The following EXOC4 variants were observed in gnomAD, a reference collection of about 807,000 sequenced individuals.
EXOC4 encodes the protein SEC8-like 1.
Under a neutral mutation model 107.2 loss-of-function variants are expected in EXOC4, and 71 were observed. The ratio of observed to expected loss-of-function variants is 0.66; its 90% confidence interval spans 0.55 to 0.81. The LOEUF (loss-of-function observed/expected upper bound fraction) is 0.81. EXOC4 is among the 30% of genes least tolerant of loss of function. The probability of loss-of-function intolerance (pLI) is 0.00; values close to 1 mark genes in which losing one functional copy is unlikely to be tolerated. For synonymous variants in EXOC4, 456 were observed against 441.2 expected, an observed-to-expected ratio of 1.03 and a Z score of -0.42; for missense variants, 1,108 against 1,189.6, an observed-to-expected ratio of 0.93 and a Z score of 1.01.
chr7:133,691,759 A>C (rs76097583), intron 10 of EXOC4, among the ~76,000 whole-genome samples: 1 of 152,216 alleles, frequency 6.6e-6, no homozygotes, highest in Admixed American at 6.5e-5. Flanking sequence ...AGGTTCAGCC[A>C]AAGTTGCTTC....
intron 10 of EXOC4, among the ~76,000 whole-genome samples, chr7:133,682,360 C>T (rs1415145309): frequency 6.6e-6 from 1 of 152,156 alleles, no homozygotes; most frequent in African/African-American, 2.4e-5. Context: ...ATGTTATGTG[C>T]TATTCTCGTG....
At chr7:133,321,174 C>A (rs1795102142) in intron 5 of EXOC4, among the ~76,000 whole-genome samples, 1 of 145,862 alleles carries the variant, frequency 6.9e-6, no homozygotes, top group Non-Finnish European at 1.5e-5. Flanking sequence ...GGAGGTGATT[C>A]CTGAGAACTT....
At chr7:133,838,215 C>A (rs1346836399) in intron 11 of EXOC4, among the ~76,000 whole-genome samples, 1 of 152,102 alleles carries the variant, frequency 6.6e-6, no homozygotes, top group Non-Finnish European at 1.5e-5. Context: ...TGTTTTTGTA[C>A]TAGAGAGAAT....
At chr7:133,696,418 C>G (rs1341968280) in intron 10 of EXOC4, among the ~76,000 whole-genome samples, 1 of 152,186 alleles carries the variant, frequency 6.6e-6, no homozygotes, top group Admixed American at 6.5e-5. Context: ...CTCCTCTGTC[C>G]TACAGTTTTT....
intron 14 of EXOC4, among the ~76,000 whole-genome samples, chr7:133,995,562 G>A (rs528731276): frequency 9.9e-5 from 15 of 152,274 alleles, no homozygotes; most frequent in African/African-American, 3.4e-4. Context: ...TAATGCTAAC[G>A]TTAGAGAGGA....
intron 6 of EXOC4, among the ~76,000 whole-genome samples, chr7:133,364,885 T>C (rs983073531): frequency 6.6e-6 from 1 of 152,180 alleles, no homozygotes; most frequent in Non-Finnish European, 1.5e-5. Flanking sequence ...TTGTTCGTGG[T>C]GCAATTAAGA....
At chr7:133,358,834 AT>A (rs1369755064) in intron 6 of EXOC4, among the ~76,000 whole-genome samples, 1 of 151,874 alleles carries the variant, frequency 6.6e-6, no homozygotes, top group African/African-American at 2.4e-5. Context: ...AGTGGAAATT[AT>A]AGCACTAGAA....
At chr7:133,586,666 G>T (rs1801412185) in intron 9 of EXOC4, among the ~76,000 whole-genome samples, 1 of 152,194 alleles carries the variant, frequency 6.6e-6, no homozygotes, top group African/African-American at 2.4e-5. Flanking sequence ...TGAATAGACA[G>T]ATTGAATGGG....
chr7:134,091,841 C>T, the EXOC4 span, among the ~76,000 whole-genome samples: 55 of 152,244 alleles, frequency 3.6e-4, no homozygotes, highest in African/African-American at 1.3e-3. Flanking sequence ...AGAGCAGGGG[C>T]AGAGTGTACC....
At chr7:134,006,660 A>G (rs559130554) in intron 16 of EXOC4, among the ~76,000 whole-genome samples, 1 of 152,200 alleles carries the variant, frequency 6.6e-6, no homozygotes, top group Non-Finnish European at 1.5e-5. Context: ...GGAAGGGACT[A>G]GACTTCAGAA....
intron 11 of EXOC4, among the ~76,000 whole-genome samples, chr7:133,840,961 T>G (rs936473062): frequency 3.3e-5 from 5 of 152,164 alleles, no homozygotes; most frequent in Admixed American, 3.3e-4. Context: ...GAAGAATGGG[T>G]ATTGTCATAG....
chr7:133,963,270 T>A (rs996936558), intron 14 of EXOC4, among the ~76,000 whole-genome samples: 2 of 152,252 alleles, frequency 1.3e-5, no homozygotes, highest in Non-Finnish European at 1.5e-5. Flanking sequence ...TACTCAGAAC[T>A]GTAAAAATGC....
chr7:134,017,374 T>C (rs1236662619), intron 17 of EXOC4, among the ~76,000 whole-genome samples: 1 of 152,128 alleles, frequency 6.6e-6, no homozygotes, highest in East Asian at 1.9e-4. Flanking sequence ...CAGAGTAAAT[T>C]GGGAAATGCG....
chr7:133,901,122 G>A (rs972549092), intron 12 of EXOC4, among the ~76,000 whole-genome samples: 3 of 152,004 alleles, frequency 2.0e-5, no homozygotes, highest in Admixed American at 6.6e-5. Context: ...CACCCACCTC[G>A]GCCTCCCAAA....
chr7:133,468,944 A>G (rs115096959), intron 7 of EXOC4, among the ~76,000 whole-genome samples: 10 of 152,292 alleles, frequency 6.6e-5, no homozygotes, highest in African/African-American at 1.7e-4. Context: ...ATTATTTAAT[A>G]TAGGCACATT....
intron 5 of EXOC4, among the ~76,000 whole-genome samples, chr7:133,321,491 C>T (rs555109882): frequency 2.0e-5 from 3 of 152,264 alleles, no homozygotes; most frequent in East Asian, 1.9e-4. Flanking sequence ...CATTGTTCAA[C>T]TCCCACTTAT....
At chr7:133,584,314 G>A (rs1801345753) in intron 9 of EXOC4, among the ~76,000 whole-genome samples, 1 of 151,986 alleles carries the variant, frequency 6.6e-6, no homozygotes, top group East Asian at 1.9e-4. Context: ...TGCAGGTGAG[G>A]GATTTTGAAG....
intron 7 of EXOC4, among the ~76,000 whole-genome samples, chr7:133,444,914 A>G (rs1311832584): frequency 6.6e-6 from 1 of 152,114 alleles, no homozygotes; most frequent in Non-Finnish European, 1.5e-5. Flanking sequence ...GCGTTTTCAC[A>G]CTTTTTTGGA....
rs182598023 is a variant in EXOC4 at position 133,864,625 on chromosome 7, G to A, written c.1735-30974G>A. On this transcript the variant is annotated intron_variant, in intron 11 of 17. Coordinates refer to ENST00000253861, the MANE Select transcript of EXOC4 (RefSeq NM_021807.4). ...TTTACGACATTTACATTCAAATTAG[G>A]GAAAGCAGGGAGATTTGGTGACTAT... 2.5e-4 allele frequency among the ~76,000 whole-genome samples: 38 copies of A among 152,226 alleles called. No individual in the cohort carries two copies. In the East Asian group the frequency reaches 6.6e-3, roughly 26 times the overall value.
Sources: allele counts gnomAD v4.1 joint callset (sites outside exome capture counted in the v4.1 genomes callset), GRCh38; gene constraint gnomAD v4.1.1; transcripts MANE v1.5; gene names NCBI Gene and HGNC (gene_info 2026-07-23, HGNC 2026-07-21).